The following SV2C variants were observed in gnomAD, a reference collection of about 807,000 sequenced individuals.
SV2C encodes the protein solute carrier family 22 member B3.
In SV2C, 49 loss-of-function variants were observed where a neutral mutation model predicts 79.7. That is an observed-to-expected ratio of 0.61 (90% CI 0.49 to 0.78). SV2C has a LOEUF of 0.78. SV2C is among the 30% of genes least tolerant of loss of function. SV2C has a pLI of 0.00. For missense variants in SV2C, 833 were observed against 912.9 expected, an observed-to-expected ratio of 0.91 and a Z score of 1.13; for synonymous variants, 334 against 333.2, an observed-to-expected ratio of 1.00 and a Z score of -0.03.
At chr5:75,972,139 C>T in the SV2C span, among the ~76,000 whole-genome samples, 1 of 152,092 alleles carries the variant, frequency 6.6e-6, no homozygotes, top group Admixed American at 6.5e-5. Context: ...AAAGCTGAAA[C>T]TGGATCCCTT....
At chr5:76,080,208 T>TA (rs778943890), upstream of SV2C, among the ~76,000 whole-genome samples, 101 of 152,080 alleles carry the variant, frequency 6.6e-4, no homozygotes, top group Non-Finnish European at 1.2e-3. Flanking sequence ...AGACAGAGTT[T>TA]AAAAAAAATG....
At chr5:75,940,255 T>A in the SV2C span, among the ~76,000 whole-genome samples, 1 of 152,012 alleles carries the variant, frequency 6.6e-6, no homozygotes, top group African/African-American at 2.4e-5. Context: ...TCCGGGCTAC[T>A]TGGGAGGCTG....
intron 2 of SV2C, among the ~76,000 whole-genome samples, chr5:76,139,794 T>A (rs919337967): frequency 6.6e-5 from 10 of 151,896 alleles, no homozygotes; most frequent in African/African-American, 2.4e-4. Context: ...AAAAAGACAA[T>A]ACTTTTACAT....
intron 1 of SV2C, among the ~76,000 whole-genome samples, chr5:76,116,882 C>T (rs1224373581): frequency 1.3e-5 from 2 of 152,146 alleles, no homozygotes; most frequent in Non-Finnish European, 2.9e-5. Context: ...GTATTGCACT[C>T]CTCCTGGGCT....
intron 4 of SV2C, among the ~76,000 whole-genome samples, chr5:76,211,266 T>C (rs1178388634): frequency 1.3e-5 from 2 of 152,134 alleles, no homozygotes; most frequent in Non-Finnish European, 2.9e-5. Flanking sequence ...CCAGATCCCC[T>C]CCTCAGTTTC....
the SV2C span, among the ~76,000 whole-genome samples, chr5:75,992,095 T>A: frequency 6.6e-6 from 1 of 151,998 alleles, no homozygotes; most frequent in Admixed American, 6.6e-5. Context: ...TATTATTAGA[T>A]GTATTTCTGA....
chr5:76,033,909 C>T, the SV2C span, among the ~76,000 whole-genome samples: 1 of 151,818 alleles, frequency 6.6e-6, no homozygotes, highest in South Asian at 2.1e-4. Context: ...TTGTTTGTAT[C>T]CTCTTTTATT....
At chr5:76,174,769 A>G (rs1743470694) in intron 2 of SV2C, among the ~76,000 whole-genome samples, 1 of 152,232 alleles carries the variant, frequency 6.6e-6, no homozygotes, top group Admixed American at 6.5e-5. Context: ...GTTACTAGCT[A>G]AGAATATGTC....
At chr5:76,035,225 G>C in the SV2C span, among the ~76,000 whole-genome samples, 2 of 151,202 alleles carry the variant, frequency 1.3e-5, no homozygotes, top group South Asian at 4.2e-4. Context: ...TTTTTTGAAG[G>C]GTTTTTTTTT....
At chr5:76,245,960 G>GTGTC (rs1561281793) in intron 4 of SV2C, among the ~76,000 whole-genome samples, 2 of 151,648 alleles carry the variant, frequency 1.3e-5, no homozygotes. Context: ...GTGTGTGTGT[G>GTGTC]TGTTAAAGGG....
the SV2C span, among the ~76,000 whole-genome samples, chr5:75,900,541 C>T: frequency 6.6e-6 from 1 of 152,076 alleles, no homozygotes; most frequent in African/African-American, 2.4e-5. Context: ...AATTATGTGT[C>T]TTGGAGTTGC....
At chr5:76,266,127 ACAAATATGGCCAGTGGCC>A (rs34051149) in intron 4 of SV2C, among the ~76,000 whole-genome samples, 125,486 of 151,190 alleles carry the variant, frequency 0.83, 52,275 homozygotes, top group Middle Eastern at 0.91. Flanking sequence ...AGCCAAAGAG[ACAAATATGGCCAGTGGCC>A]CAAATATGGC....
chr5:76,161,572 C>T (rs553878340), intron 2 of SV2C, among the ~76,000 whole-genome samples: 3 of 152,114 alleles, frequency 2.0e-5, no homozygotes, highest in African/African-American at 4.8e-5. Flanking sequence ...TGGGCTCTAG[C>T]GACCCATCTG....
chr5:76,051,543 A>G, the SV2C span, among the ~76,000 whole-genome samples: 5 of 152,336 alleles, frequency 3.3e-5, no homozygotes, highest in South Asian at 1.0e-3. Context: ...GTATTCTATT[A>G]AATACAACTA....
At chr5:76,078,552 C>A (rs1441895498), upstream of SV2C, 1 of 316,858 alleles carries the variant, frequency 3.2e-6, no homozygotes, top group Admixed American at 4.0e-5. Flanking sequence ...TTGGTAGACT[C>A]AAAACATACT....
the SV2C span, among the ~76,000 whole-genome samples, chr5:76,073,523 AT>A: frequency 1.6e-5 from 2 of 125,888 alleles, no homozygotes; most frequent in African/African-American, 6.5e-5. Flanking sequence ...ATATATATAT[AT>A]ATATATATAT....
chr5:76,047,958 A>G, the SV2C span, among the ~76,000 whole-genome samples: 2 of 151,912 alleles, frequency 1.3e-5, no homozygotes. Flanking sequence ...TTTTAACAAT[A>G]TATTGTATTC....
chr5:76,041,367 C>T, the SV2C span, among the ~76,000 whole-genome samples: 80 of 152,290 alleles, frequency 5.3e-4, no homozygotes, highest in Admixed American at 1.8e-3. Flanking sequence ...TGTGTGTGAA[C>T]ATCCTAGCCT....
chr5:76,025,430 G>A, the SV2C span, among the ~76,000 whole-genome samples: 323 of 152,220 alleles, frequency 2.1e-3, 1 homozygote, highest in African/African-American at 6.9e-3. Flanking sequence ...CTGTTTATTC[G>A]TAGCAGAAGG....
Sources: allele counts gnomAD v4.1 joint callset (sites outside exome capture counted in the v4.1 genomes callset), GRCh38; gene constraint gnomAD v4.1.1; transcripts MANE v1.5; gene names NCBI Gene and HGNC (gene_info 2026-07-23, HGNC 2026-07-21).